Variants in NR1I2 observed in about 807,000 individuals in gnomAD.
The protein encoded by NR1I2 is nuclear receptor subfamily 1 group I member 2.
In NR1I2, 42 loss-of-function variants were observed where a neutral mutation model predicts 43.3. The ratio of observed to expected loss-of-function variants is 0.97; its 90% CI spans 0.76 to 1.26. The LOEUF is 1.26. Ranked by LOEUF, NR1I2 falls within the 50% of genes most tolerant of loss-of-function variation. NR1I2 has a pLI of 0.00. For synonymous variants in NR1I2, 229 were observed against 215.0 expected (o/e 1.06, Z -0.57); for missense variants, 559 against 566.7 (o/e 0.99, Z 0.14).
At chr3:119,805,810 AC>A (rs1440397699) in intron 1 of NR1I2, among the ~76,000 whole-genome samples, 3 of 151,268 alleles carry the variant, frequency 2.0e-5, no homozygotes, top group Non-Finnish European at 2.9e-5. Context: ...TCTTAAATCA[AC>A]TTTTTGGCTT....
chr3:119,812,056 C>T (rs1339232246), intron 4 of NR1I2, among the ~76,000 whole-genome samples: 1 of 152,180 alleles, frequency 6.6e-6, no homozygotes, highest in African/African-American at 2.4e-5. Flanking sequence ...CTGCTCTCTC[C>T]TTTAAGGCAG....
chr3:119,797,693 C>T, intron 1 of NR1I2, among the ~76,000 whole-genome samples: 1 of 152,166 alleles, frequency 6.6e-6, no homozygotes, highest in East Asian at 1.9e-4. Flanking sequence ...TATGCACCCA[C>T]ATATTTACCC....
chr3:119,817,195 G>C lies in NR1I2; in HGVS notation c.1288G>C (p.Gly430Arg). The C allele has an allele frequency of 1.2e-6, 2 of 1,614,000 alleles. No individual in the cohort carries two copies. Among genetic ancestry groups the C allele is most frequent in the South Asian group, 1.1e-5 (1 of 91,072 alleles). ...TACGCCCCTCATGCAGGAGTTGTTC[G>C]GCATCACAGGTAGCTGAGCGGCTGC... Residue 430 changes from glycine (G) to arginine (R), a missense_variant, in exon 9 of 9, where the codon GGC becomes CGC. Physicochemically the swap from Gly to Arg is moderately radical, Grantham distance 125. Coordinates refer to ENST00000393716, the MANE Select transcript of NR1I2 (RefSeq NM_003889.4).
At chr3:119,782,814 A>T in intron 1 of NR1I2, 5 of 1,614,106 alleles carry the variant, frequency 3.1e-6, no homozygotes, top group Non-Finnish European at 4.2e-6. Context: ...CACCTGCCAT[A>T]CCCCTGCACA....
At chr3:119,782,842 G>C in intron 1 of NR1I2, 1 of 1,613,942 alleles carries the variant, frequency 6.2e-7, no homozygotes, top group South Asian at 1.1e-5. Flanking sequence ...GGCTGAGTTG[G>C]CTTCAAACCA....
At chr3:119,798,895 C>A (rs1404723248) in intron 1 of NR1I2, among the ~76,000 whole-genome samples, 1 of 152,148 alleles carries the variant, frequency 6.6e-6, no homozygotes, top group Admixed American at 6.5e-5. Context: ...AATAGAATTT[C>A]ATTGTATATT....
chr3:119,790,081 C>T (rs2054896474), intron 1 of NR1I2, among the ~76,000 whole-genome samples: 1 of 152,134 alleles, frequency 6.6e-6, no homozygotes, highest in Non-Finnish European at 1.5e-5. Context: ...CATTAAACAA[C>T]TCCCATTCCC....
At chr3:119,792,985 CT>C (rs1441413221) in intron 1 of NR1I2, among the ~76,000 whole-genome samples, 2 of 152,046 alleles carry the variant, frequency 1.3e-5, no homozygotes, top group Non-Finnish European at 2.9e-5. Flanking sequence ...GTTTGGTACC[CT>C]CGGTAATGAG....
In NR1I2 at chr3:119,810,147, AGGCCTGCCGCCTGCGCAAGTGCCT is replaced by A; in HGVS notation, c.287_310del (p.Ala96_Leu103del). Reference sequence around the variant, plus strand: ...ACCCGGAAGACCCGGCGACAGTGCCAGGCCTGCCGCCTGCGCAAGTGCCTGGAGAGCGGCATGAAGAAGGAGAGT... The same window carrying A: ...ACCCGGAAGACCCGGCGACAGTGCCAGGAGAGCGGCATGAAGAAGGAGAGT... On this transcript the variant is annotated inframe_deletion, in exon 3 of 9. Coordinates refer to ENST00000393716, the MANE Select transcript of NR1I2 (RefSeq NM_003889.4). The A allele has an allele frequency of 6.2e-7, 1 of 1,613,042 alleles. No homozygotes were observed. The highest frequency in any genetic ancestry group is 8.5e-7 in the Non-Finnish European group (1 of 1,179,766).
chr3:119,809,494 C>T (rs1293666495), intron 2 of NR1I2, among the ~76,000 whole-genome samples: 2 of 150,398 alleles, frequency 1.3e-5, no homozygotes, highest in Non-Finnish European at 3.0e-5. Flanking sequence ...TAGTTCACCC[C>T]TTCCTCCCTG....
chr3:119,787,067 C>T (rs1356831699), intron 1 of NR1I2, among the ~76,000 whole-genome samples: 2 of 152,074 alleles, frequency 1.3e-5, no homozygotes, highest in African/African-American at 4.8e-5. Flanking sequence ...GCAGGTGGAT[C>T]ACTTGAGGTC....
chr3:119,807,769 G>T (rs917569252), intron 2 of NR1I2, among the ~76,000 whole-genome samples: 1 of 152,216 alleles, frequency 6.6e-6, no homozygotes, highest in African/African-American at 2.4e-5. Context: ...CGCCTTCTGG[G>T]GTGGTTGTTA....
chr3:119,811,406 A>C, intron 3 of NR1I2, 133 bp from the exon 4 acceptor site: 1 of 847,808 alleles, frequency 1.2e-6, no homozygotes, highest in Non-Finnish European at 1.8e-6. Context: ...ACAGGGGAGA[A>C]TTGCTTGTCA....
chr3:119,792,963 C>T (rs1013246260), intron 1 of NR1I2, among the ~76,000 whole-genome samples: 1 of 151,978 alleles, frequency 6.6e-6, no homozygotes, highest in Non-Finnish European at 1.5e-5. Flanking sequence ...GGGGGTGGAT[C>T]CCTCATGACT....
chr3:119,787,844 CAT>C (rs2107945580), intron 1 of NR1I2, among the ~76,000 whole-genome samples: 1 of 152,006 alleles, frequency 6.6e-6, no homozygotes, highest in African/African-American at 2.4e-5. Flanking sequence ...TACACACACA[CAT>C]AATTAAATAT....
intron 1 of NR1I2, among the ~76,000 whole-genome samples, chr3:119,802,355 A>G (rs1215536129): frequency 6.6e-6 from 1 of 152,186 alleles, no homozygotes; most frequent in Non-Finnish European, 1.5e-5. Context: ...ATTTAAGTAA[A>G]TGTCTTTTTT....
intron 1 of NR1I2, among the ~76,000 whole-genome samples, chr3:119,791,282 C>T (rs1383523835): frequency 1.3e-5 from 2 of 152,192 alleles, no homozygotes; most frequent in Non-Finnish European, 2.9e-5. Flanking sequence ...CCAGGAGCTT[C>T]TCTGAGAGCA....
chr3:119,809,380 C>T (rs2055203765), intron 2 of NR1I2, among the ~76,000 whole-genome samples: 1 of 151,988 alleles, frequency 6.6e-6, no homozygotes, highest in Non-Finnish European at 1.5e-5. Flanking sequence ...CGCCTGCACG[C>T]TCTGCTGTTC....
chr3:119,800,317 T>C (rs1200557548), intron 1 of NR1I2, among the ~76,000 whole-genome samples: 1 of 152,244 alleles, frequency 6.6e-6, no homozygotes, highest in African/African-American at 2.4e-5. Context: ...TAAGGGTTTA[T>C]TTCTTGAATC....
Sources: allele counts gnomAD v4.1 joint callset (sites outside exome capture counted in the v4.1 genomes callset), GRCh38; gene constraint gnomAD v4.1.1; transcripts MANE v1.5; gene names NCBI Gene and HGNC (gene_info 2026-07-23, HGNC 2026-07-21).